MECOM: variants seen among roughly 807,000 people sequenced by gnomAD.
The protein encoded by MECOM is histone-lysine N-methyltransferase MECOM.
In MECOM, 13 loss-of-function variants were observed where a neutral mutation model predicts 116.3. The observed-to-expected ratio is 0.11, with a 90% CI of 0.07 to 0.18. The LOEUF is 0.18. MECOM is among the 10% of genes least tolerant of loss of function. The pLI is 1.00. For synonymous variants in MECOM, 528 were observed against 535.2 expected, an observed-to-expected ratio of 0.99 and a Z score of 0.19; for missense variants, 1,299 against 1,509.0, an observed-to-expected ratio of 0.86 and a Z score of 2.31.
At position 169,378,441 on chromosome 3, in the gene MECOM, GAAAGAAAGAAGGAA is replaced by G. The variant is rs1560196477; in HGVS notation, c.375+2732_375+2745del. Among the ~76,000 whole-genome samples the G allele has an allele frequency of 4.7e-4, 39 of 83,006 alleles. 1 individual carries two copies. Among genetic ancestry groups the G allele is most frequent in the African/African-American group, 1.4e-3 (18 of 12,728 alleles). The allele number at this position is 83,006 out of a possible 152,430, so 54.5% of individuals were successfully genotyped here. On this transcript the variant is annotated intron_variant, in intron 2 of 16. Transcript: ENST00000651503. ...AGAAAGAAAGAAAGAAAGAAAGAAA[GAAAGAAAGAAGGAA>G]AGCAAGCAAGCAAGCAAGCAAGAAA...
At chr3:169,387,428 A>G (rs892237645) in intron 1 of MECOM, among the ~76,000 whole-genome samples, 1 of 152,180 alleles carries the variant, frequency 6.6e-6, no homozygotes, top group African/African-American at 2.4e-5. Flanking sequence ...CTTTCCGCCT[A>G]GTTTAACTGC....
chr3:169,337,783 C>T (rs956130502), intron 2 of MECOM, among the ~76,000 whole-genome samples: 2 of 152,082 alleles, frequency 1.3e-5, no homozygotes, highest in Admixed American at 6.6e-5. Context: ...GACCTCCAGC[C>T]TTCTACACAA....
At chr3:169,399,597 A>G (rs1735549233) in intron 1 of MECOM, among the ~76,000 whole-genome samples, 1 of 152,246 alleles carries the variant, frequency 6.6e-6, no homozygotes, top group Non-Finnish European at 1.5e-5. Context: ...AAAAAGAATC[A>G]GAAAGAGAAG....
intron 1 of MECOM, among the ~76,000 whole-genome samples, chr3:169,608,883 G>A (rs1374647755): frequency 6.6e-6 from 1 of 152,152 alleles, no homozygotes; most frequent in South Asian, 2.1e-4. Flanking sequence ...ATGTAAATGA[G>A]TAATAGATTT....
At chr3:169,387,398 C>T (rs904704981) in intron 1 of MECOM, among the ~76,000 whole-genome samples, 2 of 152,176 alleles carry the variant, frequency 1.3e-5, no homozygotes, top group Admixed American at 6.5e-5. Context: ...TTATATAACT[C>T]ACCATTTGTT....
intron 1 of MECOM, among the ~76,000 whole-genome samples, chr3:169,427,699 G>A (rs2108536491): frequency 6.6e-6 from 1 of 152,176 alleles, no homozygotes; most frequent in East Asian, 1.9e-4. Flanking sequence ...AAAATAAAAA[G>A]CATCCCATCA....
intron 2 of MECOM, among the ~76,000 whole-genome samples, chr3:169,371,648 C>T (rs1017504204): frequency 6.6e-6 from 1 of 151,818 alleles, no homozygotes; most frequent in African/African-American, 2.4e-5. Context: ...TGAATGTATA[C>T]AATTATTATT....
chr3:169,354,028 C>T (rs899179333), intron 2 of MECOM, among the ~76,000 whole-genome samples: 7 of 151,936 alleles, frequency 4.6e-5, no homozygotes, highest in Non-Finnish European at 5.9e-5. Flanking sequence ...TCTTTTATTG[C>T]TTCTTTTCTT....
In MECOM at chr3:169,136,039, A is replaced by T. The variant is rs1055631062; in HGVS notation, c.511-4508T>A. ...ATATTATACATGTATATAGAAATTA[A>T]ATGCCCTAAACAGAATTATTATAAT... On this transcript the variant is annotated intron_variant, in intron 3 of 16. Transcript: ENST00000651503. Among the ~76,000 whole-genome samples, 6 of 151,922 alleles carry T rather than the reference A, an allele frequency of 3.9e-5. No individual in the cohort carries two copies. In the East Asian group the frequency reaches 1.2e-3, roughly 29 times the overall value.
chr3:169,607,712 T>C (rs1022266744), intron 1 of MECOM, among the ~76,000 whole-genome samples: 3 of 152,240 alleles, frequency 2.0e-5, no homozygotes, highest in Non-Finnish European at 2.9e-5. Flanking sequence ...CTTTATGAAA[T>C]AGCATTACTG....
intron 5 of MECOM, 99 bp downstream of exon 5, chr3:169,127,745 C>T (rs905941509): frequency 6.3e-6 from 6 of 945,348 alleles, no homozygotes; most frequent in African/African-American, 1.6e-5. Flanking sequence ...GTCCAGCTCA[C>T]TGGAGTTCCA....
chr3:169,257,214 T>C (rs1756976464), intron 2 of MECOM, among the ~76,000 whole-genome samples: 1 of 152,206 alleles, frequency 6.6e-6, no homozygotes, highest in Non-Finnish European at 1.5e-5. Context: ...AGGCTACAAA[T>C]ATACATTATA....
At position 169,115,800 on chromosome 3, in the gene MECOM, T is replaced by C; in HGVS notation, c.2072A>G (p.Tyr691Cys). The change falls in exon 8 of 17, where the codon TAC becomes TGC. Residue 691 changes from tyrosine to cysteine, a missense_variant. Tyr to Cys is a radical substitution (Grantham distance 194, BLOSUM62 -2). Around this residue, in one of 6 missense-constraint regions of MECOM, gnomAD observed 340 missense variants for 312.6 expected, o/e 1.09. Coordinates refer to ENST00000651503, the MANE Select transcript of MECOM (RefSeq NM_004991.4). ...AAATGGGAGGGGAAACATGGAAGGG[T>C]AAGGTAAAGCTCCAACTTTTTTGTC... ...LQDKKVGALP[Y>C]PSMFPLPFFP... 1 of 1,614,038 alleles carries C rather than the reference T, an allele frequency of 6.2e-7. No homozygotes were observed. Among genetic ancestry groups the C allele is most frequent in the Non-Finnish European group, 8.5e-7 (1 of 1,180,018 alleles).
At chr3:169,585,300 A>G (rs6777130) in intron 1 of MECOM, among the ~76,000 whole-genome samples, 3,886 of 152,308 alleles carry the variant, frequency 0.026, 174 homozygotes, top group African/African-American at 0.089. Context: ...GGGACAGGCA[A>G]TTGAATAGTG....
chr3:169,587,898 C>T (rs1017936105), intron 1 of MECOM, among the ~76,000 whole-genome samples: 4 of 152,068 alleles, frequency 2.6e-5, no homozygotes, highest in African/African-American at 9.7e-5. Context: ...TTAAATGAAT[C>T]CCTTTATCCA....
chr3:169,377,526 C>T (rs2108239428), intron 2 of MECOM, among the ~76,000 whole-genome samples: 1 of 152,248 alleles, frequency 6.6e-6, no homozygotes, highest in Non-Finnish European at 1.5e-5. Context: ...TGAATAGACA[C>T]TTTTCAAAAG....
intron 2 of MECOM, among the ~76,000 whole-genome samples, chr3:169,156,820 G>A (rs1742068951): frequency 6.6e-6 from 1 of 152,034 alleles, no homozygotes; most frequent in East Asian, 1.9e-4. Context: ...CATTTCCCTA[G>A]GAGAAAGAAA....
intron 2 of MECOM, among the ~76,000 whole-genome samples, chr3:169,346,046 C>T (rs964724274): frequency 3.3e-5 from 5 of 152,064 alleles, no homozygotes; most frequent in African/African-American, 1.2e-4. Flanking sequence ...TCCACCTCCC[C>T]CCACTTTTAA....
chr3:169,378,568 A>G (rs1731816074), intron 2 of MECOM, among the ~76,000 whole-genome samples: 7 of 131,418 alleles, frequency 5.3e-5, no homozygotes, highest in African/African-American at 1.9e-4. Context: ...GAAAGAAAGA[A>G]AGAAAGAAAG....
Sources: allele counts gnomAD v4.1 joint callset (sites outside exome capture counted in the v4.1 genomes callset), GRCh38; gene constraint gnomAD v4.1.1; regional missense constraint gnomAD v4.1.1; transcripts MANE v1.5; gene names NCBI Gene and HGNC (gene_info 2026-07-23, HGNC 2026-07-21).